The following SCN9A variants were observed in gnomAD, a reference collection of about 807,000 sequenced individuals.
The protein encoded by SCN9A is sodium channel protein type 9 subunit alpha.
In SCN9A, 131 loss-of-function variants were observed where a neutral mutation model predicts 187.0. The ratio of observed to expected loss-of-function variants is 0.70; its 90% CI spans 0.61 to 0.81. The LOEUF (loss-of-function observed/expected upper bound fraction) is 0.81. Ranked by LOEUF, SCN9A falls within the 30% of genes least tolerant of loss-of-function variation. The pLI is 0.00. For synonymous variants in SCN9A, 809 were observed against 808.6 expected, an observed-to-expected ratio of 1.00 and a Z score of -0.01; for missense variants, 2,252 against 2,396.6, an observed-to-expected ratio of 0.94 and a Z score of 1.26.
At chr2:166,256,676 G>A (rs1370925179) in intron 17 of SCN9A, among the ~76,000 whole-genome samples, 2 of 150,740 alleles carry the variant, frequency 1.3e-5, no homozygotes, top group Admixed American at 6.7e-5. Context: ...TTTGTCTATT[G>A]CTAGCAGAGA....
At chr2:166,252,330 A>G (rs1696082457) in intron 17 of SCN9A, among the ~76,000 whole-genome samples, 1 of 152,012 alleles carries the variant, frequency 6.6e-6, no homozygotes, top group Non-Finnish European at 1.5e-5. Flanking sequence ...CTCAGATCAA[A>G]TAGTTGGCAA....
intron 7 of SCN9A, chr2:166,295,876 C>T (rs1266348144): frequency 3.9e-5 from 6 of 152,146 alleles, no homozygotes; most frequent in African/African-American, 1.4e-4. Context: ...CTCATCAACT[C>T]TTCTGTCATT....
chr2:166,280,560 A>T lies in SCN9A; in HGVS notation c.2140T>A (p.Trp714Arg), dbSNP rs761434882. The part of the protein sequence containing the change: ...EESRQKCPPW[W>R]YRFAHKFLIW... ...AAGAATTTGTGTGCAAATCTGTACC[A>T]CCAAGGTGGACATTTTTGTCTGGAC... The change falls in exon 14 of 27, where the codon TGG becomes AGG. Residue 714 changes from tryptophan to arginine, a missense_variant. This residue lies in a region of SCN9A where 1,013 missense variants were observed against 997.4 expected (regional missense o/e 1.02). Coordinates refer to ENST00000642356, the MANE Select transcript of SCN9A (RefSeq NM_001365536.1). 6.3e-7 allele frequency: 1 copy of T among 1,587,106 alleles called. No homozygotes were observed. Among genetic ancestry groups the T allele is most frequent in the Middle Eastern group, 1.7e-4 (1 of 6,020 alleles).
At chr2:166,339,411 T>C (rs1207542669) in intron 1 of SCN9A, among the ~76,000 whole-genome samples, 1 of 152,184 alleles carries the variant, frequency 6.6e-6, no homozygotes, top group Non-Finnish European at 1.5e-5. Flanking sequence ...AAATTTTTAA[T>C]TTAGATCTTA....
chr2:166,320,616 C>G (rs1225082003), intron 1 of SCN9A, among the ~76,000 whole-genome samples: 1 of 152,168 alleles, frequency 6.6e-6, no homozygotes, highest in Non-Finnish European at 1.5e-5. Flanking sequence ...TTGCTGAATG[C>G]ATGGTTTTCA....
chr2:166,276,438 A>C (rs1357598492), intron 16 of SCN9A: 1 of 152,218 alleles, frequency 6.6e-6, no homozygotes, highest in Non-Finnish European at 1.5e-5. Context: ...TATAATGTGC[A>C]TGTGTCATTT....
chr2:166,346,427 A>G (rs997482026), intron 1 of SCN9A, among the ~76,000 whole-genome samples: 2 of 152,206 alleles, frequency 1.3e-5, no homozygotes, highest in African/African-American at 4.8e-5. Flanking sequence ...TAAGATTTTA[A>G]TATTTTAAAA....
rs1220319088 is a variant in SCN9A at position 166,310,868 on chromosome 2, C to T, written c.258+631G>A. Among the ~76,000 whole-genome samples the T allele has an allele frequency of 7.6e-5, 6 of 79,356 alleles. 2 individuals are homozygous for T. The highest frequency in any genetic ancestry group is 1.6e-4 in the Non-Finnish European group (6 of 38,574). The allele number at this position is 79,356 out of a possible 152,430, so 52.1% of individuals were successfully genotyped here. On this transcript the variant is annotated intron_variant, in intron 2 of 26. Transcript: ENST00000642356. ...AACCCAAATGTCCAACAATGATAGA[C>T]TGGATTAAGAAAATGTGGCTCATAT...
intron 24 of SCN9A, among the ~76,000 whole-genome samples, chr2:166,224,206 C>T (rs533667692): frequency 1.3e-5 from 2 of 152,166 alleles, no homozygotes; most frequent in South Asian, 2.1e-4. Context: ...TGAGGAATTA[C>T]TTGTGTGTGC....
At position 166,203,433 on chromosome 2, in the gene SCN9A, G is replaced by A. The variant is rs139342214; in HGVS notation, c.4774+522C>T. ...GTTATTCACAGACATGAACACCATG[G>A]CTGGTTGAGGAATGATTGGCATTTT... On this transcript the variant is annotated intron_variant, in intron 26 of 26. Transcript: ENST00000642356. 9.5e-3 allele frequency among the ~76,000 whole-genome samples: 1,444 copies of A among 151,986 alleles called. 18 individuals are homozygous for A. The highest frequency in any genetic ancestry group is 0.02 in the Middle Eastern group (6 of 294).
intron 9 of SCN9A, among the ~76,000 whole-genome samples, chr2:166,289,148 T>C (rs776894801): frequency 2.0e-5 from 3 of 152,014 alleles, no homozygotes; most frequent in African/African-American, 7.3e-5. Flanking sequence ...AAATAGAATT[T>C]TTTTTCAAAA....
chr2:166,249,256 A>G (rs1695930358), intron 18 of SCN9A: 1 of 152,022 alleles, frequency 6.6e-6, no homozygotes, highest in Admixed American at 6.6e-5. Context: ...CCTCTTTTCC[A>G]TATACCTTCT....
chr2:166,296,305 T>C (rs1216840218), intron 7 of SCN9A, among the ~76,000 whole-genome samples: 1 of 151,786 alleles, frequency 6.6e-6, no homozygotes, highest in Non-Finnish European at 1.5e-5. Context: ...GTTATTATAA[T>C]TAGTTAAACT....
chr2:166,306,534 G>T lies in SCN9A; in HGVS notation c.443C>A (p.Pro148Gln). 1 of 1,575,232 alleles carries T rather than the reference G, an allele frequency of 6.3e-7. No homozygotes were observed. The stretch of plus-strand genomic sequence containing the variant: ...CTCGACATTTTTGGTCCAGTCCGGT[G>T]GGTTATTCATGGTCATAAATATGCA... ...TNCIFMTMNN[P>Q]PDWTKNVEYT... is the part of the protein sequence containing the mutation. The change falls in exon 4 of 27, where the codon CCA becomes CAA. Residue 148 changes from proline (P) to glutamine (Q), a missense_variant. Pro to Gln is a moderately conservative substitution (Grantham distance 76, BLOSUM62 -1). Around this residue, in one of 7 missense-constraint regions of SCN9A, gnomAD observed 1,013 missense variants for 997.4 expected, o/e 1.02. Coordinates refer to ENST00000642356, the MANE Select transcript of SCN9A (RefSeq NM_001365536.1).
intron 19 of SCN9A, among the ~76,000 whole-genome samples, chr2:166,240,179 T>G (rs1289994694): frequency 1.3e-5 from 2 of 152,166 alleles, no homozygotes; most frequent in Non-Finnish European, 2.9e-5. Flanking sequence ...TATCATAATC[T>G]CACAGGGTTG....
intron 1 of SCN9A, among the ~76,000 whole-genome samples, chr2:166,356,541 GC>G (rs1466937182): frequency 6.6e-6 from 1 of 152,004 alleles, no homozygotes; most frequent in African/African-American, 2.4e-5. Context: ...AATAAATTTA[GC>G]CACAAAACTC....
chr2:166,262,927 C>T (rs1696575325), intron 17 of SCN9A, among the ~76,000 whole-genome samples: 1 of 151,930 alleles, frequency 6.6e-6, no homozygotes, highest in Non-Finnish European at 1.5e-5. Context: ...GAAGTAGATG[C>T]TCTAAGGCAC....
intron 17 of SCN9A, 90 bp from the exon 18 acceptor site, chr2:166,251,975 C>A: frequency 7.0e-7 from 1 of 1,425,838 alleles, no homozygotes; most frequent in South Asian, 1.2e-5. Context: ...CAGACTCATG[C>A]AAAGTATTAT....
chr2:166,248,833 AT>A (rs543290051), intron 18 of SCN9A, among the ~76,000 whole-genome samples: 8 of 150,912 alleles, frequency 5.3e-5, no homozygotes, highest in South Asian at 2.1e-4. Flanking sequence ...AGATCAATTA[AT>A]TTTTTTTTCA....
Sources: allele counts gnomAD v4.1 joint callset (sites outside exome capture counted in the v4.1 genomes callset), GRCh38; gene constraint gnomAD v4.1.1; regional missense constraint gnomAD v4.1.1; transcripts MANE v1.5; gene names NCBI Gene and HGNC (gene_info 2026-07-23, HGNC 2026-07-21).